NCAM2: variants seen among roughly 807,000 people sequenced by gnomAD.
NCAM2 encodes the protein neural cell adhesion molecule 2, also known as N-CAM-2.
Under a neutral mutation model 98.1 loss-of-function variants are expected in NCAM2, and 30 were observed. That is an observed-to-expected ratio of 0.31 (90% CI 0.23 to 0.41). The LOEUF (loss-of-function observed/expected upper bound fraction) is 0.41, where lower values mean the gene tolerates loss of function less well. Ranked by LOEUF, NCAM2 falls within the 10% of genes least tolerant of loss-of-function variation. NCAM2 has a pLI of 1.00. For synonymous variants in NCAM2, 368 were observed against 342.4 expected (o/e 1.07, Z -0.83); for missense variants, 867 against 1,005.8 (o/e 0.86, Z 1.87).
intron 15 of NCAM2, among the ~76,000 whole-genome samples, chr21:21,486,387 A>G (rs1209684534): frequency 6.6e-6 from 1 of 150,654 alleles, no homozygotes; most frequent in Non-Finnish European, 1.5e-5. Context: ...CTCACACATT[A>G]TGGAAATATA....
chr21:21,033,172 C>A (rs1488137053), intron 1 of NCAM2, among the ~76,000 whole-genome samples: 4 of 152,060 alleles, frequency 2.6e-5, no homozygotes, highest in Non-Finnish European at 5.9e-5. Flanking sequence ...TGGTGTCAAA[C>A]TCCTGAGCTG....
At chr21:21,215,892 G>C (rs2069880435) in intron 1 of NCAM2, among the ~76,000 whole-genome samples, 1 of 152,040 alleles carries the variant, frequency 6.6e-6, no homozygotes, top group Admixed American at 6.6e-5. Flanking sequence ...TTTTCCACTT[G>C]GATGGGAAAA....
chr21:21,070,264 AGT>A (rs533320771), intron 1 of NCAM2, among the ~76,000 whole-genome samples: 2 of 130,210 alleles, frequency 1.5e-5, no homozygotes, highest in African/African-American at 2.9e-5. Flanking sequence ...ATATGTACAT[AGT>A]GTATATATAT....
chr21:21,327,514 G>A (rs2074551484), intron 6 of NCAM2, among the ~76,000 whole-genome samples: 1 of 151,952 alleles, frequency 6.6e-6, no homozygotes, highest in South Asian at 2.1e-4. Context: ...TCGCAGGTTT[G>A]TTACATGAGT....
chr21:21,534,509 G>A (rs750316538), intron 16 of NCAM2, 28 bp from the exon 17 acceptor site: 3 of 1,528,830 alleles, frequency 2.0e-6, no homozygotes, highest in African/African-American at 1.4e-5. Flanking sequence ...AAATTACACA[G>A]GTGAGATGTT....
At chr21:21,355,838 ACCT>A (rs1217012552) in intron 8 of NCAM2, among the ~76,000 whole-genome samples, 1 of 151,816 alleles carries the variant, frequency 6.6e-6, no homozygotes, top group Non-Finnish European at 1.5e-5. Context: ...TGAACTCCTG[ACCT>A]CAGGTGATCC....
intron 1 of NCAM2, among the ~76,000 whole-genome samples, chr21:21,243,350 A>AT (rs757895277): frequency 2.0e-5 from 3 of 152,164 alleles, no homozygotes; most frequent in African/African-American, 4.8e-5. Flanking sequence ...ATACTATTAC[A>AT]TTTTTTGTAG....
intron 1 of NCAM2, among the ~76,000 whole-genome samples, chr21:21,246,535 T>TA: frequency 6.6e-6 from 1 of 152,060 alleles, no homozygotes; most frequent in East Asian, 1.9e-4. Flanking sequence ...ACGTATGTAA[T>TA]AATAAAGTGA....
chr21:21,445,892 T>C (rs1204066380), intron 12 of NCAM2, among the ~76,000 whole-genome samples: 1 of 152,190 alleles, frequency 6.6e-6, no homozygotes, highest in Admixed American at 6.6e-5. Flanking sequence ...CATCTTGTTA[T>C]TTTGCAAACT....
At chr21:21,525,233 T>G (rs567618579) in intron 16 of NCAM2, among the ~76,000 whole-genome samples, 2 of 152,052 alleles carry the variant, frequency 1.3e-5, no homozygotes, top group East Asian at 1.9e-4. Flanking sequence ...TTTTAAAAGA[T>G]TAACGAAATT....
intron 10 of NCAM2, among the ~76,000 whole-genome samples, chr21:21,414,721 G>T (rs1217867196): frequency 6.6e-6 from 1 of 151,658 alleles, no homozygotes; most frequent in Non-Finnish European, 1.5e-5. Context: ...CGCCTGCCTC[G>T]GCCTCCCAAA....
chr21:21,000,534 G>T (rs896038451), intron 1 of NCAM2, among the ~76,000 whole-genome samples: 1 of 152,062 alleles, frequency 6.6e-6, no homozygotes, highest in East Asian at 1.9e-4. Flanking sequence ...TTGTGATTCA[G>T]CTAATTTGTA....
At chr21:21,434,770 G>A (rs188603688) in intron 12 of NCAM2, among the ~76,000 whole-genome samples, 2 of 152,310 alleles carry the variant, frequency 1.3e-5, no homozygotes, top group African/African-American at 4.8e-5. Context: ...TTATAATAAT[G>A]TTTAATTTTG....
Position 21,237,443 on chromosome 21 carries a change from CTCTT to C in NCAM2, c.56-43131_56-43128del, listed in dbSNP as rs546373724. On this transcript the variant is annotated intron_variant, in intron 1 of 17. Transcript: ENST00000400546. ...TTATGAACATTGTGAGTACTATTTT[CTCTT>C]TCTGTCATTGGAACTCAGAGATAAA... Among the ~76,000 whole-genome samples the C allele has an allele frequency of 4.1e-3, 622 of 152,152 alleles. 2 individuals carry two copies. The highest frequency in any genetic ancestry group is 8.8e-3 in the Admixed American group (134 of 15,274).
chr21:21,507,821 T>C (rs539031593), intron 15 of NCAM2, among the ~76,000 whole-genome samples: 2 of 151,534 alleles, frequency 1.3e-5, no homozygotes, highest in African/African-American at 2.4e-5. Context: ...TAAACTGTTA[T>C]GCAAGCTAAT....
chr21:21,333,213 T>C (rs765714196), intron 6 of NCAM2, among the ~76,000 whole-genome samples: 2 of 152,178 alleles, frequency 1.3e-5, no homozygotes, highest in Non-Finnish European at 2.9e-5. Context: ...ATTGGTAATA[T>C]TCCCTTATTT....
rs1990227354 is a variant in NCAM2 at position 21,541,415 on chromosome 21, C to T, written c.*3458C>T. The T allele has an allele frequency of 6.6e-6, 1 of 151,374 alleles. No homozygotes were observed. Among genetic ancestry groups the T allele is most frequent in the South Asian group, 2.1e-4 (1 of 4,802 alleles). 9.4% of individuals were successfully genotyped at this position (151,374 alleles called of 1,614,324 possible). ...CTATACTGTATAATTTACTTTAATT[C>T]ATGTCAAAACAATTCTTTTTATACA... On this transcript the variant is annotated 3_prime_UTR_variant, in exon 18 of 18. Coordinates refer to ENST00000400546, the MANE Select transcript of NCAM2 (RefSeq NM_004540.5).
At position 21,327,306 on chromosome 21, in the gene NCAM2, C is replaced by CAAAAAAAA. The variant is rs11384559; in HGVS notation, c.737+2823_737+2830dup. ...CAGGCAACAGAGCAAGACTCTGTCT[C>CAAAAAAAA]AAAAAAAAAAAAAAAAAAAAAAAAT... On this transcript the variant is annotated intron_variant, in intron 6 of 17. Transcript: ENST00000400546. Among the ~76,000 whole-genome samples, 89 of 82,166 alleles carry CAAAAAAAA rather than the reference C, an allele frequency of 1.1e-3. 2 individuals carry two copies. The highest frequency in any genetic ancestry group is 4.7e-3 in the African/African-American group (88 of 18,894). 53.9% of individuals were successfully genotyped at this position (82,166 alleles called of 152,430 possible).
chr21:21,419,564 T>C (rs893644371), intron 11 of NCAM2, among the ~76,000 whole-genome samples: 4 of 132,042 alleles, frequency 3.0e-5, no homozygotes, highest in Non-Finnish European at 4.7e-5. Flanking sequence ...CCTGTGTCCA[T>C]GTGTTCTCAT....
Sources: gnomAD v4.1 joint callset for allele counts (sites outside exome capture counted in the v4.1 genomes callset) on GRCh38, gnomAD v4.1.1 for gene constraint, MANE v1.5 for transcripts, NCBI Gene and HGNC (gene_info 2026-07-23, HGNC 2026-07-21) for gene names.